The following PMF1 variants were observed in gnomAD, a reference collection of about 807,000 sequenced individuals.
PMF1 encodes polyamine-modulated factor 1.
A neutral mutation model predicts 26.7 loss-of-function variants in PMF1; 21 were observed. That is an observed-to-expected ratio of 0.79 (90% CI 0.56 to 1.13). The LOEUF (loss-of-function observed/expected upper bound fraction) is 1.13. Ranked by LOEUF, PMF1 falls within the 50% of genes most tolerant of loss-of-function variation. PMF1 has a pLI of 0.00. For missense variants in PMF1, 266 were observed against 254.9 expected, an observed-to-expected ratio of 1.04 and a Z score of -0.30; for synonymous variants, 105 against 101.0, an observed-to-expected ratio of 1.04 and a Z score of -0.24.
intron 4 of PMF1, 48 bp downstream of exon 4, chr1:156,236,531 C>G: frequency 6.5e-7 from 1 of 1,537,470 alleles, no homozygotes; most frequent in Non-Finnish European, 8.8e-7. Context: ...AATGGGCCCT[C>G]TGAGATCCGC....
chr1:156,238,280 C>CGT (rs1229680095), intron 4 of PMF1, among the ~76,000 whole-genome samples: 3 of 152,192 alleles, frequency 2.0e-5, no homozygotes, highest in Admixed American at 6.5e-5. Flanking sequence ...ATTTAAATAA[C>CGT]GTGTATATTA....
chr1:156,213,194 G>A lies in PMF1; in HGVS notation c.161+18G>A. 2 of 1,609,714 alleles carry A rather than the reference G, an allele frequency of 1.2e-6. No individual in the cohort carries two copies. Among genetic ancestry groups the A allele is most frequent in the South Asian group, 1.1e-5 (1 of 91,012 alleles). ...GCCGGCAGGTAAAGTGGACGCAGCC[G>A]CGGTGGGAGTGTTTGTTGGCACCGA... On this transcript the variant is annotated intron_variant, in intron 1 of 4. Transcript: ENST00000368277.
intron 1 of PMF1, among the ~76,000 whole-genome samples, chr1:156,232,099 C>T (rs549256832): frequency 1.8e-3 from 281 of 152,306 alleles, no homozygotes; most frequent in Admixed American, 3.3e-3. Context: ...TCACCTGGGG[C>T]TCTCCTAAGA....
intron 1 of PMF1, among the ~76,000 whole-genome samples, chr1:156,231,242 A>G (rs1290489311): frequency 2.1e-5 from 3 of 143,112 alleles, no homozygotes; most frequent in Non-Finnish European, 4.6e-5. Context: ...AAAAAAAAAA[A>G]AGAATTAGCT....
At chr1:156,223,160 C>G (rs1048489201) in intron 1 of PMF1, among the ~76,000 whole-genome samples, 3 of 152,142 alleles carry the variant, frequency 2.0e-5, no homozygotes, top group African/African-American at 7.2e-5. Context: ...GTGTGTGGCT[C>G]CAGGCCTGGC....
intron 1 of PMF1, among the ~76,000 whole-genome samples, chr1:156,232,043 CTG>C (rs1337054780): frequency 6.6e-6 from 1 of 152,184 alleles, no homozygotes; most frequent in Non-Finnish European, 1.5e-5. Context: ...TTGCTAGAAA[CTG>C]TGGAAGGAGT....
Position 156,239,586 on chromosome 1 carries a change from G to C in PMF1, c.603G>C (p.Leu201=). 6.2e-7 allele frequency: 1 copy of C among 1,612,696 alleles called. No homozygotes were observed. The highest frequency in any genetic ancestry group is 8.5e-7 in the Non-Finnish European group (1 of 1,179,842). Residue 201 remains leucine, a synonymous_variant, in exon 5 of 5, where the codon CTG becomes CTC. Coordinates refer to ENST00000368277, the MANE Select transcript of PMF1 (RefSeq NM_007221.4). The part of the protein sequence containing the change: ...HREQRELVAV[L]REPE ...AACAGAGGGAGCTGGTTGCTGTGCT[G>C]AGGGAGCCTGAGTGAGGAGACCGCC...
In PMF1 at chr1:156,213,081, T is replaced by G. The variant is rs149077310; in HGVS notation, c.66T>G (p.Ser22=). Reference sequence around the variant, plus strand: ...AGGAAAAAAGGCATGAGGGGTCGTCTTCGGAATCTGTGCCACCCGGCACTA... The same window carrying G: ...AGGAAAAAAGGCATGAGGGGTCGTCGTCGGAATCTGTGCCACCCGGCACTA... ...GCEEKRHEGS[S]SESVPPGTTI... The change falls in exon 1 of 5, where the codon TCT becomes TCG. Residue 22 remains serine (S), a synonymous_variant. Coordinates refer to ENST00000368277, the MANE Select transcript of PMF1 (RefSeq NM_007221.4). 3.1e-6 allele frequency: 5 copies of G among 1,614,098 alleles called. No individual in the cohort carries two copies. The African/African-American group carries it at 6.7e-5, about 22-fold the overall frequency.
At chr1:156,217,583 G>T (rs577509038) in intron 1 of PMF1, among the ~76,000 whole-genome samples, 107 of 152,094 alleles carry the variant, frequency 7.0e-4, no homozygotes, top group African/African-American at 2.4e-3. Flanking sequence ...AAAATTAACC[G>T]GGTGTCATAA....
chr1:156,235,351 G>A (rs930904024), intron 3 of PMF1, among the ~76,000 whole-genome samples: 6 of 150,100 alleles, frequency 4.0e-5, no homozygotes, highest in African/African-American at 1.5e-4. Flanking sequence ...CCCAAACACC[G>A]GACCTCAGGT....
chr1:156,225,440 C>T (rs1658313811), intron 1 of PMF1: 2 of 630,046 alleles, frequency 3.2e-6, no homozygotes, highest in African/African-American at 3.6e-5. Flanking sequence ...GTCTTTTATC[C>T]CTCACCCCCC....
chr1:156,231,982 G>A (rs1176904069), intron 1 of PMF1, among the ~76,000 whole-genome samples: 1 of 152,194 alleles, frequency 6.6e-6, no homozygotes, highest in Non-Finnish European at 1.5e-5. Flanking sequence ...ATGACCAGAG[G>A]CTCTCAAAGT....
At chr1:156,238,527 G>T (rs149536284) in intron 4 of PMF1, among the ~76,000 whole-genome samples, 69 of 152,302 alleles carry the variant, frequency 4.5e-4, no homozygotes, top group African/African-American at 1.2e-3. Flanking sequence ...TTTCTAGTAG[G>T]GCTCAAGTGG....
chr1:156,225,586 C>T (rs868382868), intron 1 of PMF1: 1 of 1,558,670 alleles, frequency 6.4e-7, no homozygotes, highest in Non-Finnish European at 8.7e-7. Context: ...GACGGAAGTG[C>T]TGGTCCCCGC....
chr1:156,226,651 A>G (rs1658386642), intron 1 of PMF1, among the ~76,000 whole-genome samples: 1 of 152,220 alleles, frequency 6.6e-6, no homozygotes, highest in Non-Finnish European at 1.5e-5. Flanking sequence ...GACTTTATAT[A>G]TTTTACCTCA....
At position 156,239,947 on chromosome 1, in the gene PMF1, T is replaced by C; in HGVS notation, c.*346T>C. On this transcript the variant is annotated 3_prime_UTR_variant, in exon 5 of 5. Transcript: ENST00000368277. ...CTGGCCCTGGCTTGGAGAATCTGTTTTCAATCTCCACTGATTGCCCCCTTG... is the reference window on the plus strand; with the variant it reads ...CTGGCCCTGGCTTGGAGAATCTGTTCTCAATCTCCACTGATTGCCCCCTTG... 3.5e-6 allele frequency: 1 copy of C among 287,372 alleles called. No individual in the cohort carries two copies. Among genetic ancestry groups the C allele is most frequent in the Non-Finnish European group, 6.6e-6 (1 of 152,490 alleles). 17.8% of individuals were successfully genotyped at this position (287,372 alleles called of 1,614,324 possible).
At chr1:156,237,397 T>C (rs1001918657) in intron 4 of PMF1, 6 of 152,172 alleles carry the variant, frequency 3.9e-5, no homozygotes, top group African/African-American at 1.4e-4. Flanking sequence ...CTCTTTACCT[T>C]TATGAGATCA....
chr1:156,228,051 C>T (rs1658472531), intron 1 of PMF1, among the ~76,000 whole-genome samples: 1 of 151,618 alleles, frequency 6.6e-6, no homozygotes, highest in Non-Finnish European at 1.5e-5. Context: ...TCTCCTGCCT[C>T]AGCCTCCGAA....
At chr1:156,221,620 A>C (rs1658086490) in intron 1 of PMF1, among the ~76,000 whole-genome samples, 1 of 152,176 alleles carries the variant, frequency 6.6e-6, no homozygotes. Flanking sequence ...AGTTTTAGAT[A>C]AATGGGGATT....
Sources: allele counts gnomAD v4.1 joint callset (sites outside exome capture counted in the v4.1 genomes callset), GRCh38; gene constraint gnomAD v4.1.1; transcripts MANE v1.5; gene names NCBI Gene and HGNC (gene_info 2026-07-23, HGNC 2026-07-21).